The following PKIB variants were observed in gnomAD, a reference collection of about 807,000 sequenced individuals.
PKIB encodes PKI-beta.
Under a neutral mutation model 4.5 loss-of-function variants are expected in PKIB, and 2 were observed. The observed-to-expected ratio is 0.44, with a 90% CI of 0.18 to 1.39. The LOEUF is 1.39. PKIB is among the 40% of genes most tolerant of loss of function. PKIB has a pLI of 0.27. For synonymous variants in PKIB, 38 were observed against 36.0 expected, an observed-to-expected ratio of 1.06 and a Z score of -0.20; for missense variants, 94 against 92.6, an observed-to-expected ratio of 1.02 and a Z score of -0.06.
At chr6:122,563,457 C>T (rs1477297175) in intron 2 of PKIB, among the ~76,000 whole-genome samples, 5 of 151,928 alleles carry the variant, frequency 3.3e-5, no homozygotes, top group Admixed American at 6.6e-5. Flanking sequence ...CAGGTGGTGG[C>T]GCTTTCCAGA....
chr6:122,671,032 G>A (rs750534215), intron 2 of PKIB, among the ~76,000 whole-genome samples: 7 of 152,112 alleles, frequency 4.6e-5, no homozygotes, highest in South Asian at 2.1e-4. Flanking sequence ...GGTGGCTCAC[G>A]CCTGTAATCC....
At chr6:122,573,414 C>G (rs188708616) in intron 2 of PKIB, among the ~76,000 whole-genome samples, 5 of 150,790 alleles carry the variant, frequency 3.3e-5, no homozygotes, top group Non-Finnish European at 5.9e-5. Flanking sequence ...CCCAGGTACT[C>G]GCGAGGCTGA....
At chr6:122,653,126 G>T (rs1443609621) in intron 2 of PKIB, among the ~76,000 whole-genome samples, 1 of 152,194 alleles carries the variant, frequency 6.6e-6, no homozygotes, top group Non-Finnish European at 1.5e-5. Context: ...GGATTGGAAA[G>T]TTCCAGAAAA....
intron 2 of PKIB, among the ~76,000 whole-genome samples, chr6:122,562,112 A>T (rs944178011): frequency 1.7e-5 from 2 of 118,044 alleles, no homozygotes; most frequent in Non-Finnish European, 3.6e-5. Context: ...TAGTTTCAAG[A>T]TTTAGAGCTC....
intron 2 of PKIB, among the ~76,000 whole-genome samples, chr6:122,564,927 A>C (rs998217123): frequency 1.3e-5 from 2 of 152,154 alleles, no homozygotes; most frequent in Non-Finnish European, 2.9e-5. Flanking sequence ...TATGCAGCTA[A>C]TCTGTATTTA....
chr6:122,493,135 G>T (rs573519873), intron 2 of PKIB: 1 of 152,284 alleles, frequency 6.6e-6, no homozygotes, highest in Admixed American at 6.5e-5. Flanking sequence ...CCTTTGAACT[G>T]TCAAAGCATG....
chr6:122,505,163 T>A (rs1471285899), intron 2 of PKIB, among the ~76,000 whole-genome samples: 1 of 152,156 alleles, frequency 6.6e-6, no homozygotes, highest in East Asian at 1.9e-4. Flanking sequence ...TTGGTGGGAG[T>A]GGGCTTAACT....
chr6:122,510,237 A>G (rs778945491), intron 2 of PKIB, among the ~76,000 whole-genome samples: 10 of 152,160 alleles, frequency 6.6e-5, no homozygotes, highest in Admixed American at 1.3e-4. Context: ...TTTTGCAAAG[A>G]TGAATAACAT....
chr6:122,662,228 C>G (rs1777018013), intron 2 of PKIB, among the ~76,000 whole-genome samples: 1 of 143,154 alleles, frequency 7.0e-6, no homozygotes. Context: ...TTTTTTGTCA[C>G]TTGTGCTTTG....
intron 2 of PKIB, among the ~76,000 whole-genome samples, chr6:122,522,856 G>A (rs1776986646): frequency 6.6e-6 from 1 of 152,202 alleles, no homozygotes; most frequent in African/African-American, 2.4e-5. Flanking sequence ...ATTCCTGTTT[G>A]GACATCTTGC....
At chr6:122,613,038 AT>A (rs1261616472) in intron 1 of PKIB, among the ~76,000 whole-genome samples, 3 of 152,336 alleles carry the variant, frequency 2.0e-5, no homozygotes, top group Non-Finnish European at 2.9e-5. Context: ...TTTGAAAAAA[AT>A]GTCGCAATAT....
chr6:122,708,969 G>A lies in PKIB; in HGVS notation c.-8-8818G>A, dbSNP rs147368546. Among the ~76,000 whole-genome samples the A allele has an allele frequency of 1.2e-3, 179 of 152,210 alleles. 4 individuals are homozygous for A. In the East Asian group the frequency reaches 0.019, roughly 16 times the overall value. ...TTTCTGCCTACAGTCCAACATCAGA[G>A]GCTGTCTCTAGAGCCACGTCAACAC... On this transcript the variant is annotated intron_variant, in intron 3 of 4. Coordinates refer to ENST00000368452, the MANE Select transcript of PKIB (RefSeq NM_181795.3).
intron 3 of PKIB, among the ~76,000 whole-genome samples, chr6:122,684,570 C>A (rs188123665): frequency 1.3e-5 from 2 of 151,972 alleles, no homozygotes; most frequent in African/African-American, 4.8e-5. Context: ...TTATAGAAAC[C>A]ACCATTATCT....
At chr6:122,698,487 C>G (rs769665600) in intron 3 of PKIB, among the ~76,000 whole-genome samples, 8 of 152,126 alleles carry the variant, frequency 5.3e-5, no homozygotes, top group Non-Finnish European at 1.2e-4. Flanking sequence ...CCCTCTATTT[C>G]CAGAAAAGCC....
At chr6:122,557,180 C>T (rs1200675233) in intron 2 of PKIB, among the ~76,000 whole-genome samples, 2 of 152,204 alleles carry the variant, frequency 1.3e-5, no homozygotes, top group Admixed American at 6.5e-5. Flanking sequence ...GGCTGCACTA[C>T]AGCCTGGGCA....
chr6:122,695,417 A>G (rs896547908), intron 3 of PKIB, among the ~76,000 whole-genome samples: 1 of 115,020 alleles, frequency 8.7e-6, no homozygotes, highest in African/African-American at 2.9e-5. Flanking sequence ...TAATAGGTAT[A>G]GAGAACAAAA....
intron 2 of PKIB, among the ~76,000 whole-genome samples, chr6:122,541,820 C>T (rs1429643134): frequency 6.6e-6 from 1 of 151,822 alleles, no homozygotes; most frequent in African/African-American, 2.4e-5. Flanking sequence ...TCAGGTACAC[C>T]AATCAGACGT....
At chr6:122,563,131 C>T (rs1198440641) in intron 2 of PKIB, among the ~76,000 whole-genome samples, 1 of 152,056 alleles carries the variant, frequency 6.6e-6, no homozygotes, top group East Asian at 1.9e-4. Flanking sequence ...GGCTGTTGTT[C>T]AGATTCTTTT....
intron 2 of PKIB, among the ~76,000 whole-genome samples, chr6:122,583,387 A>G (rs1019930275): frequency 1.3e-5 from 2 of 152,098 alleles, no homozygotes; most frequent in Non-Finnish European, 2.9e-5. Flanking sequence ...GAGAATTTTT[A>G]TTCTAATAAT....
Sources: gnomAD v4.1 joint callset for allele counts (sites outside exome capture counted in the v4.1 genomes callset) on GRCh38, gnomAD v4.1.1 for gene constraint, MANE v1.5 for transcripts, NCBI Gene and HGNC (gene_info 2026-07-23, HGNC 2026-07-21) for gene names.